Variants in EVA1B observed in about 807,000 individuals in gnomAD.
EVA1B encodes protein eva-1 homolog B.
A neutral mutation model predicts 4.6 loss-of-function variants in EVA1B; 2 were observed. The ratio of observed to expected loss-of-function variants is 0.43; its 90% CI spans 0.18 to 1.37. EVA1B has a LOEUF of 1.37. EVA1B is among the 40% of genes most tolerant of loss of function. EVA1B has a pLI of 0.28. For synonymous variants in EVA1B, 124 were observed against 115.8 expected (o/e 1.07, Z -0.46); for missense variants, 263 against 240.4 (o/e 1.09, Z -0.62).
In EVA1B at chr1:36,322,621, G is replaced by C; in HGVS notation, c.172C>G (p.Arg58Gly). The C allele has an allele frequency of 1.3e-6, 2 of 1,545,472 alleles. No homozygotes were observed. Among genetic ancestry groups the C allele is most frequent in the Non-Finnish European group, 8.7e-7 (1 of 1,147,692 alleles). Residue 58 changes from arginine (R) to glycine (G), a missense_variant, in exon 3 of 3, where the codon CGG (arginine) becomes GGG (glycine). Coordinates refer to ENST00000490466, the MANE Select transcript of EVA1B (RefSeq NM_001304762.2). ...CGGCGCTGAGCCGGGCCCCGGGGCC[G>C]CGGGCGGGGCGCCCACGAGATGCTG... is the stretch of plus-strand genomic sequence containing the variant. ...VISISWAPRP[R>G]PRGPAQRRDP...
Position 36,322,581 on chromosome 1 carries a change from C to T in EVA1B, c.212G>A (p.Ser71Asn). The change falls in exon 3 of 3, where the codon AGC becomes AAC. Residue 71 changes from serine to asparagine, a missense_variant. Coordinates refer to ENST00000490466, the MANE Select transcript of EVA1B (RefSeq NM_001304762.2). ...GTCGTCGTCCTCGGGCTCCAGGGTGCTGCTGCGGGGGTCCCGGCGCTGAGC... is the reference window on the plus strand; with the variant it reads ...GTCGTCGTCCTCGGGCTCCAGGGTGTTGCTGCGGGGGTCCCGGCGCTGAGC... ...GPAQRRDPRS[S>N]TLEPEDDDED... 6.3e-7 allele frequency: 1 copy of T among 1,578,694 alleles called. No individual in the cohort carries two copies. Among genetic ancestry groups the T allele is most frequent in the Non-Finnish European group, 8.6e-7 (1 of 1,167,186 alleles).
In EVA1B at chr1:36,322,640, G is replaced by C; in HGVS notation, c.153C>G (p.Ile51Met). 1 of 1,546,114 alleles carries C rather than the reference G, an allele frequency of 6.5e-7. No individual in the cohort carries two copies. Among genetic ancestry groups the C allele is most frequent in the South Asian group, 1.2e-5 (1 of 84,146 alleles). ...LLTLCLLVISISWAPRPRPRG... is the reference protein window; with the variant it reads ...LLTLCLLVISMSWAPRPRPRG... ...GGGGCCGCGGGCGGGGCGCCCACGAGATGCTGATGACGAGCAGGCAGAGGG... is the reference window on the plus strand; with the variant it reads ...GGGGCCGCGGGCGGGGCGCCCACGACATGCTGATGACGAGCAGGCAGAGGG... Residue 51 changes from isoleucine to methionine, a missense_variant, in exon 3 of 3, where the codon ATC becomes ATG. Transcript: ENST00000490466.
chr1:36,323,904 A>G (rs553692940), upstream of EVA1B: 1 of 152,238 alleles, frequency 6.6e-6, no homozygotes, highest in Non-Finnish European at 1.5e-5. Flanking sequence ...CCGCCTGACA[A>G]CCCTGCGACG....
intron 1 of EVA1B, among the ~76,000 whole-genome samples, 181 bp from the exon 2 acceptor site, chr1:36,323,248 C>T (rs1315766975): frequency 6.6e-6 from 1 of 152,230 alleles, no homozygotes; most frequent in East Asian, 1.9e-4. Context: ...GCGGACGCCC[C>T]TCCAGTCCTG....
At position 36,322,147 on chromosome 1, in the gene EVA1B, G is replaced by C. The variant is rs888906797; in HGVS notation, c.*148C>G. On this transcript the variant is annotated 3_prime_UTR_variant, in exon 3 of 3. Coordinates refer to ENST00000490466, the MANE Select transcript of EVA1B (RefSeq NM_001304762.2). ...GCCCCCGGGGTCTTCTGGCAGGACT[G>C]GGGAAGGGAGCCTCTCAGGGGGTGG... 4.1e-5 allele frequency: 56 copies of C among 1,354,272 alleles called. 1 individual carries two copies. In the African/African-American group the frequency reaches 7.9e-4, roughly 19 times the overall value. The allele number at this position is 1,354,272 out of a possible 1,614,324, so 83.9% of individuals were successfully genotyped here.
chr1:36,322,482 G>T lies in EVA1B; in HGVS notation c.311C>A (p.Pro104Gln). The T allele has an allele frequency of 6.2e-7, 1 of 1,604,198 alleles. No homozygotes were observed. The change falls in exon 3 of 3, where the codon CCG becomes CAG. Residue 104 changes from proline to glutamine, a missense_variant. By Grantham distance (76) the Pro-to-Gln change is moderately conservative. Coordinates refer to ENST00000490466, the MANE Select transcript of EVA1B (RefSeq NM_001304762.2). ...GACGTTGACGTTGAGGGGCCCGTCC[G>T]GCTCTGCGGACAGCTCGGGGCCCGG... The part of the protein sequence containing the change: ...TLPGPELSAE[P>Q]DGPLNVNVFT...
chr1:36,322,139 G>T lies in EVA1B; in HGVS notation c.*156C>A. 1 of 1,352,508 alleles carries T rather than the reference G, an allele frequency of 7.4e-7. No individual in the cohort carries two copies. Among genetic ancestry groups the T allele is most frequent in the Non-Finnish European group, 9.6e-7 (1 of 1,047,044 alleles). 83.8% of individuals were successfully genotyped at this position (1,352,508 alleles called of 1,614,324 possible). A position where few individuals can be genotyped will look rare whatever the true frequency, so the allele number is the denominator to read the frequency against. ...CCCTCCCCGCCCCCGGGGTCTTCTG[G>T]CAGGACTGGGGAAGGGAGCCTCTCA... On this transcript the variant is annotated 3_prime_UTR_variant, in exon 3 of 3. Transcript: ENST00000490466.
In EVA1B at chr1:36,322,167, G is replaced by A; in HGVS notation, c.*128C>T. On this transcript the variant is annotated 3_prime_UTR_variant, in exon 3 of 3. Coordinates refer to ENST00000490466, the MANE Select transcript of EVA1B (RefSeq NM_001304762.2). ...GGACTGGGGAAGGGAGCCTCTCAGG[G>A]GGTGGCGGTCCACGCCCAGTAGCAC... 3 of 1,358,520 alleles carry A rather than the reference G, an allele frequency of 2.2e-6. No homozygotes were observed. The highest frequency in any genetic ancestry group is 5.4e-4 in the Middle Eastern group (2 of 3,706). 84.2% of individuals were successfully genotyped at this position (1,358,520 alleles called of 1,614,324 possible).
chr1:36,322,631 C>T lies in EVA1B; in HGVS notation c.162G>A (p.Ala54=). ...CCGGGCCCCGGGGCCGCGGGCGGGG[C>T]GCCCACGAGATGCTGATGACGAGCA... ...LCLLVISISW[A]PRPRPRGPAQ... The change falls in exon 3 of 3, where the codon GCG becomes GCA. Residue 54 remains alanine, a synonymous_variant. Transcript: ENST00000490466. 1.3e-6 allele frequency: 2 copies of T among 1,544,372 alleles called. No individual in the cohort carries two copies. The highest frequency in any genetic ancestry group is 1.2e-5 in the South Asian group (1 of 84,152).
upstream of EVA1B, chr1:36,323,934 T>A (rs1455391293): frequency 7.2e-5 from 11 of 152,252 alleles, 1 homozygote; most frequent in East Asian, 7.7e-4. Flanking sequence ...TATCCCCACT[T>A]CGCAGATCAA....
At chr1:36,324,031 T>A (rs149145653), upstream of EVA1B, 15 of 152,462 alleles carry the variant, frequency 9.8e-5, no homozygotes, top group African/African-American at 2.4e-4. Context: ...AAGCCTGAGC[T>A]AGAAACCACC....
At position 36,322,959 on chromosome 1, in the gene EVA1B, G is replaced by C. The variant is rs1229163628; in HGVS notation, c.67+12C>G. ...GGGTTCAGGCCCCCAGTCTTCCGGCGCCCGCCCTCACCGCGGATGTGCGCG... is the reference window on the plus strand; with the variant it reads ...GGGTTCAGGCCCCCAGTCTTCCGGCCCCCGCCCTCACCGCGGATGTGCGCG... On this transcript the variant is annotated intron_variant, in intron 2 of 2. Transcript: ENST00000490466. The C allele has an allele frequency of 2.5e-6, 4 of 1,606,500 alleles. No homozygotes were observed. In the South Asian group the frequency reaches 4.4e-5, roughly 18 times the overall value.
Position 36,322,648 on chromosome 1 carries a change from TGAC to T in EVA1B, c.142_144del (p.Val48del). On this transcript the variant is annotated inframe_deletion, in exon 3 of 3. Transcript: ENST00000490466. ...GGGCGGGGCGCCCACGAGATGCTGA[TGAC>T]GAGCAGGCAGAGGGTGAGCAGCAGG... 1 of 1,545,164 alleles carries T rather than the reference TGAC, an allele frequency of 6.5e-7. No individual in the cohort carries two copies. The highest frequency in any genetic ancestry group is 8.7e-7 in the Non-Finnish European group (1 of 1,146,512).
Position 36,322,333 on chromosome 1 carries a change from TG to T in EVA1B, c.459del (p.Thr154ArgfsTer57), listed in dbSNP as rs1420796192. On this transcript the variant is annotated frameshift_variant, in exon 3 of 3. Coordinates refer to ENST00000490466, the MANE Select transcript of EVA1B (RefSeq NM_001304762.2). LOFTEE classifies it high-confidence loss of function. ...ATGCGGCCCAGGGTGCCCGTGGCCG[TG>T]GGGCTGGGCCCCAGCGTGCCTGTGC... is the stretch of plus-strand genomic sequence containing the variant. ...LLGTGTLGPSPTATGTLGRMH... is the reference protein window; with the variant it reads ...LLGTGTLGPSXTATGTLGRMH... 15 of 1,569,696 alleles carry T rather than the reference TG, an allele frequency of 9.6e-6. No individual in the cohort carries two copies. The highest frequency in any genetic ancestry group is 1.2e-5 in the Non-Finnish European group (14 of 1,166,914).
Position 36,322,368 on chromosome 1 carries a change from T to A in EVA1B, c.425A>T (p.Asp142Val). The A allele has an allele frequency of 6.3e-7, 1 of 1,589,800 alleles. No individual in the cohort carries two copies. The highest frequency in any genetic ancestry group is 8.5e-7 in the Non-Finnish European group (1 of 1,175,660). ...CCCCAGCGTGCCTGTGCCCAGCAGG[T>A]CCGGCTGCCCGGTGCGCCAGATCTC... ...LREIWRTGQP[D>V]LLGTGTLGPS... Residue 142 changes from aspartate (D) to valine (V), a missense_variant, in exon 3 of 3, where the codon GAC (aspartate) becomes GTC (valine). By Grantham distance (152) the Asp-to-Val change is radical (BLOSUM62 -3). Coordinates refer to ENST00000490466, the MANE Select transcript of EVA1B (RefSeq NM_001304762.2).
Position 36,322,217 on chromosome 1 carries a change from G to C in EVA1B, c.*78C>G. 2.1e-6 allele frequency: 3 copies of C among 1,404,780 alleles called. No homozygotes were observed. Among genetic ancestry groups the C allele is most frequent in the South Asian group, 1.5e-5 (1 of 66,352 alleles). 87.0% of individuals were successfully genotyped at this position (1,404,780 alleles called of 1,614,324 possible). A position where few individuals can be genotyped will look rare whatever the true frequency, so the allele number is the denominator to read the frequency against. On this transcript the variant is annotated 3_prime_UTR_variant, in exon 3 of 3. Coordinates refer to ENST00000490466, the MANE Select transcript of EVA1B (RefSeq NM_001304762.2). The stretch of plus-strand genomic sequence containing the variant: ...CCTGGGAGCTGTGGGGGCCGAGGCA[G>C]TCCGAAGGTGTGGGGTAGCTCTGAG...
chr1:36,323,239 C>T (rs1380734409), intron 1 of EVA1B, among the ~76,000 whole-genome samples, 172 bp from the exon 2 acceptor site: 1 of 152,224 alleles, frequency 6.6e-6, no homozygotes, highest in African/African-American at 2.4e-5. Context: ...CTCCCGGGCG[C>T]GGACGCCCCT....
chr1:36,322,887 G>A lies in EVA1B; in HGVS notation c.67+84C>T, dbSNP rs1570413028. On this transcript the variant is annotated intron_variant, in intron 2 of 2. Coordinates refer to ENST00000490466, the MANE Select transcript of EVA1B (RefSeq NM_001304762.2). ...GCAAGAGGGCGGGGAGCGGGGCGGA[G>A]GGGACGGACAAGGCGCTGGGGAGGG... 3.9e-6 allele frequency: 6 copies of A among 1,557,604 alleles called. No individual in the cohort carries two copies. The East Asian group carries it at 1.1e-4, about 29-fold the overall frequency.
At position 36,323,072 on chromosome 1, in the gene EVA1B, G is replaced by A. The variant is rs565445600; in HGVS notation, c.-30-5C>T. 8.8e-6 allele frequency: 14 copies of A among 1,593,026 alleles called. No individual in the cohort carries two copies. In the South Asian group the frequency reaches 1.2e-4, roughly 14 times the overall value. ...GGGGGCAGCTCCCCTACCAGCCTGCGAGGTCAGCAAAGTCAGATCCTTCTC... is the reference window on the plus strand; with the variant it reads ...GGGGGCAGCTCCCCTACCAGCCTGCAAGGTCAGCAAAGTCAGATCCTTCTC... On this transcript the variant is annotated splice_region_variant and splice_polypyrimidine_tract_variant and intron_variant, in intron 1 of 2. Transcript: ENST00000490466.
Sources: gnomAD v4.1 joint callset for allele counts (sites outside exome capture counted in the v4.1 genomes callset) on GRCh38, gnomAD v4.1.1 for gene constraint, MANE v1.5 for transcripts, NCBI Gene and HGNC (gene_info 2026-07-23, HGNC 2026-07-21) for gene names.